Variants in MMP27 observed in about 807,000 individuals in gnomAD.
MMP27 encodes the protein matrix metallopeptidase 27.
MMP27 carries 51 observed loss-of-function variants against 48.1 expected under a neutral mutation model. That is an observed-to-expected ratio of 1.06 (90% CI 0.85 to 1.34). The LOEUF (loss-of-function observed/expected upper bound fraction) is 1.34. Among genes scored for constraint, MMP27 ranks in the 40% most tolerant of loss-of-function variants. The probability of loss-of-function intolerance (pLI) is 0.00; values close to 1 mark genes in which losing one functional copy is unlikely to be tolerated. For synonymous variants in MMP27, 229 were observed against 208.9 expected, an observed-to-expected ratio of 1.10 and a Z score of -0.83; for missense variants, 698 against 619.3, an observed-to-expected ratio of 1.13 and a Z score of -1.35.
chr11:102,698,715 T>C (rs1374950158), intron 4 of MMP27, among the ~76,000 whole-genome samples: 1 of 152,366 alleles, frequency 6.6e-6, no homozygotes, highest in East Asian at 1.9e-4. Flanking sequence ...TTCTTTCTAA[T>C]CTCTATGTCT....
chr11:102,703,100 C>T lies in MMP27; in HGVS notation c.360G>A (p.Pro120=), dbSNP rs199808487. 259 of 1,613,170 alleles carry T rather than the reference C, an allele frequency of 1.6e-4. 1 individual carries two copies. Among genetic ancestry groups the T allele is most frequent in the African/African-American group, 2.4e-4 (18 of 74,952 alleles). The change falls in exon 3 of 10, where the codon CCG becomes CCA. Residue 120 remains proline (P), a synonymous_variant. Coordinates refer to ENST00000260229, the MANE Select transcript of MMP27 (RefSeq NM_022122.3). ...CATCCACAGCAGCTCGTGCCATATCCGGAGTATAGTTTATTATTCTTAAAA... is the reference window on the plus strand; with the variant it reads ...CATCCACAGCAGCTCGTGCCATATCTGGAGTATAGTTTATTATTCTTAAAA... ...NLTYRIINYT[P]DMARAAVDEA...
intron 1 of MMP27, among the ~76,000 whole-genome samples, chr11:102,705,173 G>A (rs1354413610): frequency 6.6e-6 from 1 of 152,144 alleles, no homozygotes; most frequent in Non-Finnish European, 1.5e-5. Context: ...TATCCATTTT[G>A]CACATGTATT....
At position 102,704,590 on chromosome 11, in the gene MMP27, C is replaced by T. The variant is rs1338638141; in HGVS notation, c.288G>A (p.Val96=). 4 of 1,614,126 alleles carry T rather than the reference C, an allele frequency of 2.5e-6. No homozygotes were observed. The highest frequency in any genetic ancestry group is 3.4e-6 in the Non-Finnish European group (4 of 1,180,014). ...CAGGGAGGGTGTAGCCATACTGGCC[C>T]ACATCAGGCACCCCACACCTGGGTG... ...MKTPRCGVPD[V]GQYGYTLPGW... is the part of the protein sequence containing the mutation. The change falls in exon 2 of 10, where the codon GTG becomes GTA. Residue 96 remains valine (V), a synonymous_variant. Transcript: ENST00000260229.
intron 8 of MMP27, 70 bp downstream of exon 8, chr11:102,693,836 T>C: frequency 7.8e-7 from 1 of 1,281,198 alleles, no homozygotes; most frequent in African/African-American, 1.5e-5. Flanking sequence ...ATTTTGTCTG[T>C]GTCAAAGTGA....
In MMP27 at chr11:102,702,860, T is replaced by C. The variant is rs762888556; in HGVS notation, c.512A>G (p.Tyr171Cys). Reference sequence around the variant, plus strand: ...AAGCACTCCCAAGGGACCATCAAAATAGCGAGGACACCGACCATGGACTGA... The same window carrying C: ...AAGCACTCCCAAGGGACCATCAAAACAGCGAGGACACCGACCATGGACTGA... ...RTRVHGRCPR[Y>C]FDGPLGVLGH... Residue 171 changes from tyrosine (Y) to cysteine (C), a missense_variant, in exon 4 of 10, where the codon TAT becomes TGT. By Grantham distance (194) the Tyr-to-Cys change is radical. Coordinates refer to ENST00000260229, the MANE Select transcript of MMP27 (RefSeq NM_022122.3). 20 of 1,613,676 alleles carry C rather than the reference T, an allele frequency of 1.2e-5. No homozygotes were observed. In the Admixed American group the frequency reaches 3.2e-4, roughly 26 times the overall value.
intron 6 of MMP27, 39 bp downstream of exon 6, chr11:102,696,332 C>T: frequency 6.2e-7 from 1 of 1,606,576 alleles, no homozygotes; most frequent in Non-Finnish European, 8.5e-7. Flanking sequence ...AAAGAAAAAT[C>T]TTCATAGGAA....
chr11:102,698,855 T>C (rs61395048), intron 4 of MMP27, among the ~76,000 whole-genome samples: 3,100 of 152,310 alleles, frequency 0.02, 46 homozygotes, highest in Middle Eastern at 0.065. Flanking sequence ...CTCCAGGTCT[T>C]ATCCAGGTTG....
intron 6 of MMP27, among the ~76,000 whole-genome samples, chr11:102,695,373 T>C (rs1315923725): frequency 6.6e-6 from 1 of 152,208 alleles, no homozygotes; most frequent in Non-Finnish European, 1.5e-5. Flanking sequence ...TCAATGGTTT[T>C]GTTTTTGCCA....
intron 4 of MMP27, among the ~76,000 whole-genome samples, chr11:102,702,101 C>G (rs1285332450): frequency 2.0e-5 from 3 of 152,198 alleles, no homozygotes; most frequent in African/African-American, 7.2e-5. Flanking sequence ...TTTGTCAGAA[C>G]AGTAGTAAAA....
intron 1 of MMP27, 68 bp from the exon 2 acceptor site, chr11:102,704,843 A>G: frequency 2.8e-6 from 3 of 1,055,422 alleles, no homozygotes; most frequent in Non-Finnish European, 4.1e-6. Flanking sequence ...CCATCTCAGG[A>G]TAAAGCAAAA....
rs373051052 is a variant in MMP27, at chr11:102,702,748, C to T, written c.619+5G>A. 1.3e-6 allele frequency: 2 copies of T among 1,588,204 alleles called. No individual in the cohort carries two copies. The highest frequency in any genetic ancestry group is 1.2e-5 in the South Asian group (1 of 86,092). ...GATTTTGTTCATAAAGAAAATTAGA[C>T]TCACCTGCTCCATCCTTGGTCCAGT... On this transcript the variant is annotated splice_donor_5th_base_variant and intron_variant, in intron 4 of 9. Coordinates refer to ENST00000260229, the MANE Select transcript of MMP27 (RefSeq NM_022122.3).
chr11:102,703,946 G>T (rs1401376299), intron 2 of MMP27, among the ~76,000 whole-genome samples: 1 of 152,204 alleles, frequency 6.6e-6, no homozygotes, highest in Non-Finnish European at 1.5e-5. Flanking sequence ...TAAGATGAAA[G>T]AAGAACTATC....
At chr11:102,703,181 C>T (rs61893941) in intron 2 of MMP27, 63 bp from the exon 3 acceptor site, 268,864 of 1,455,254 alleles carry the variant, frequency 0.18, 26,404 homozygotes, top group Non-Finnish European at 0.2. Flanking sequence ...ACACACATAA[C>T]TACAAAAAAC....
intron 6 of MMP27, among the ~76,000 whole-genome samples, chr11:102,695,898 A>G (rs974196825): frequency 4.6e-5 from 7 of 152,224 alleles, no homozygotes; most frequent in Admixed American, 4.6e-4. Flanking sequence ...TGAGGTGCTG[A>G]CCCATGTTTA....
chr11:102,696,795 A>C lies in MMP27; in HGVS notation c.660T>G (p.His220Gln). 2 of 1,612,444 alleles carry C rather than the reference A, an allele frequency of 1.2e-6. No homozygotes were observed. The highest frequency in any genetic ancestry group is 1.7e-6 in the Non-Finnish European group (2 of 1,179,646). ...LFLVAAHEFG[H>Q]ALGLSHSNDQ... ...CATTGGAGTGAGAGAGCCCCAGTGCATGACCAAATTCATGAGCAGCCACAA... is the reference window on the plus strand; with the variant it reads ...CATTGGAGTGAGAGAGCCCCAGTGCCTGACCAAATTCATGAGCAGCCACAA... Residue 220 changes from histidine to glutamine, a missense_variant, in exon 5 of 10, where the codon CAT (histidine) becomes CAG (glutamine). By Grantham distance (24) the His-to-Gln change is conservative. Coordinates refer to ENST00000260229, the MANE Select transcript of MMP27 (RefSeq NM_022122.3).
At chr11:102,695,842 C>T (rs1003197776) in intron 6 of MMP27, among the ~76,000 whole-genome samples, 1 of 152,156 alleles carries the variant, frequency 6.6e-6, no homozygotes, top group Non-Finnish European at 1.5e-5. Context: ...AAGGGATTTC[C>T]CACTACAGCT....
intron 9 of MMP27, 42 bp downstream of exon 9, chr11:102,692,896 C>A (rs1485306077): frequency 6.6e-7 from 1 of 1,509,514 alleles, no homozygotes; most frequent in Non-Finnish European, 9.2e-7. Flanking sequence ...ACAGTCAACA[C>A]AGTCTCTCAA....
rs760947321 is a variant in MMP27 at position 102,703,049 on chromosome 11, C to G, written c.411G>C (p.Val137=). The change falls in exon 3 of 10, where the codon GTG becomes GTC. Residue 137 remains valine (V), a synonymous_variant. Coordinates refer to ENST00000260229, the MANE Select transcript of MMP27 (RefSeq NM_022122.3). ...ATTTTAGTGGAGTGACTTTGCTCCA[C>G]ACTTCTAAACCTTCTTGGATAGCCT... is the stretch of plus-strand genomic sequence containing the variant. ...VDEAIQEGLE[V]WSKVTPLKFT... The G allele has an allele frequency of 6.2e-7, 1 of 1,614,200 alleles. No homozygotes were observed. The highest frequency in any genetic ancestry group is 1.7e-5 in the Admixed American group (1 of 60,024).
At chr11:102,694,500 T>TCTGATAAGTAATCTGATCA (rs1860787114) in intron 7 of MMP27, among the ~76,000 whole-genome samples, 1 of 152,190 alleles carries the variant, frequency 6.6e-6, no homozygotes, top group African/African-American at 2.4e-5. Context: ...GATAAGATCA[T>TCTGATAAGTAATCTGATCA]GATCATTAAA....
Sources: allele counts gnomAD v4.1 joint callset (sites outside exome capture counted in the v4.1 genomes callset), GRCh38; gene constraint gnomAD v4.1.1; transcripts MANE v1.5; gene names NCBI Gene and HGNC (gene_info 2026-07-23, HGNC 2026-07-21).